ATG4C: variants seen among roughly 807,000 people sequenced by gnomAD.
ATG4C encodes autophagy related 4C cysteine peptidase.
In ATG4C, 56 loss-of-function variants were observed where a neutral mutation model predicts 57.6. The observed-to-expected ratio is 0.97, with a 90% CI of 0.78 to 1.21. ATG4C has a LOEUF of 1.21. ATG4C is among the 50% of genes most tolerant of loss of function. The pLI is 0.00. For missense variants in ATG4C, 595 were observed against 529.8 expected (o/e 1.12, Z -1.21); for synonymous variants, 157 against 174.1 (o/e 0.90, Z 0.78).
At chr1:62,800,325 T>C (rs1184652370) in intron 1 of ATG4C, among the ~76,000 whole-genome samples, 5 of 152,222 alleles carry the variant, frequency 3.3e-5, no homozygotes, top group Admixed American at 3.3e-4. Context: ...AATGTTTTTG[T>C]ATAAGATTTG....
intron 10 of ATG4C, among the ~76,000 whole-genome samples, chr1:62,852,682 A>G (rs547414324): frequency 7.3e-4 from 109 of 150,028 alleles, no homozygotes; most frequent in African/African-American, 2.6e-3. Flanking sequence ...CTTTTTTCCT[A>G]TCCTTTGTAT....
At chr1:62,849,624 G>T (rs1487288483) in intron 10 of ATG4C, among the ~76,000 whole-genome samples, 1 of 151,814 alleles carries the variant, frequency 6.6e-6, no homozygotes, top group South Asian at 2.1e-4. Context: ...TGATTCTCAT[G>T]CCTCAGCCTC....
At chr1:62,836,798 C>T (rs1333913896) in intron 9 of ATG4C, among the ~76,000 whole-genome samples, 1 of 151,976 alleles carries the variant, frequency 6.6e-6, no homozygotes, top group Non-Finnish European at 1.5e-5. Context: ...AAATTGAAAC[C>T]TTAAATCATC....
Position 62,826,861 on chromosome 1 carries a change from C to T in ATG4C, c.797-2179C>T, listed in dbSNP as rs188488272. ...TGCGGTATTTGGTTTTCTGTCCTTG[C>T]AATAGTTTGCTCATAATGGAAAGCC... On this transcript the variant is annotated intron_variant, in intron 6 of 10. Transcript: ENST00000317868. 2.0e-5 allele frequency among the ~76,000 whole-genome samples: 3 copies of T among 151,500 alleles called. No homozygotes were observed. In the Admixed American group the frequency reaches 2.0e-4, roughly 10 times the overall value.
chr1:62,841,678 T>G (rs1445052506), intron 10 of ATG4C, 131 bp downstream of exon 10: 7 of 764,730 alleles, frequency 9.2e-6, no homozygotes, highest in African/African-American at 1.8e-5. Context: ...ATTAGGAGTA[T>G]TGTGAATTGA....
At chr1:62,859,683 C>T (rs548089526) in intron 10 of ATG4C, among the ~76,000 whole-genome samples, 33 of 143,194 alleles carry the variant, frequency 2.3e-4, no homozygotes, top group African/African-American at 8.5e-4. Context: ...AATAAATTAA[C>T]CATATCTTTC....
At chr1:62,813,341 A>G (rs1420418544) in intron 3 of ATG4C, among the ~76,000 whole-genome samples, 1 of 152,170 alleles carries the variant, frequency 6.6e-6, no homozygotes, top group Non-Finnish European at 1.5e-5. Flanking sequence ...CAAAAACAAG[A>G]AATGGGGAAT....
intron 1 of ATG4C, among the ~76,000 whole-genome samples, chr1:62,786,985 A>G (rs1193162274): frequency 1.3e-5 from 2 of 152,016 alleles, no homozygotes; most frequent in African/African-American, 4.8e-5. Context: ...GAACTAGGCG[A>G]TGGATTAGAT....
chr1:62,801,896 T>A (rs1446246027), intron 1 of ATG4C, among the ~76,000 whole-genome samples: 1 of 129,774 alleles, frequency 7.7e-6, no homozygotes, highest in East Asian at 2.2e-4. Flanking sequence ...AGGCGGAGCT[T>A]GCAGTGAGCT....
Position 62,841,442 on chromosome 1 carries a change from T to C in ATG4C, c.1104T>C (p.Pro368=). 1 of 1,606,578 alleles carries C rather than the reference T, an allele frequency of 6.2e-7. No homozygotes were observed. The highest frequency in any genetic ancestry group is 1.1e-5 in the South Asian group (1 of 89,456). Residue 368 remains proline, a synonymous_variant, in exon 10 of 11, where the codon CCT becomes CCC. Transcript: ENST00000317868. ...AAAAATTACAGACATTCCACTGCCC[T>C]TCTCCCAAAAAGATGTCTTTTCGAA... ...KDFPLETFHC[P]SPKKMSFRKM...
At chr1:62,823,685 A>C (rs1431087299) in intron 6 of ATG4C, among the ~76,000 whole-genome samples, 1 of 152,116 alleles carries the variant, frequency 6.6e-6, no homozygotes, top group Non-Finnish European at 1.5e-5. Flanking sequence ...TTCCAGCATC[A>C]CCTTCTAACT....
At chr1:62,798,117 C>T (rs758804217) in intron 1 of ATG4C, among the ~76,000 whole-genome samples, 1 of 152,136 alleles carries the variant, frequency 6.6e-6, no homozygotes, top group African/African-American at 2.4e-5. Context: ...CCCACTGTGC[C>T]CAGCCAGAAA....
chr1:62,820,369 A>G lies in ATG4C; in HGVS notation c.726-770A>G, dbSNP rs1017165818. 3.3e-5 allele frequency among the ~76,000 whole-genome samples: 5 copies of G among 152,040 alleles called. No individual in the cohort carries two copies. The East Asian group carries it at 9.6e-4, about 29-fold the overall frequency. On this transcript the variant is annotated intron_variant, in intron 5 of 10. Transcript: ENST00000317868. ...CTTAAAACTGTCAAAAACCTTTCTT[A>G]GCTTGCAGATGGTACAAAAACAGGA...
At chr1:62,821,751 C>G (rs1665490054) in intron 6 of ATG4C, among the ~76,000 whole-genome samples, 1 of 151,922 alleles carries the variant, frequency 6.6e-6, no homozygotes, top group African/African-American at 2.4e-5. Context: ...ATTTTTTGGA[C>G]CTTTCAATAT....
At chr1:62,816,959 G>A (rs1572124698) in intron 4 of ATG4C, 151 bp downstream of exon 4, 2 of 653,912 alleles carry the variant, frequency 3.1e-6, no homozygotes, top group Non-Finnish European at 5.0e-6. Context: ...CTAATTTGGT[G>A]TATTGCATTT....
At chr1:62,835,365 C>A in intron 9 of ATG4C, 1 of 332,020 alleles carries the variant, frequency 3.0e-6, no homozygotes, top group South Asian at 2.6e-5. Context: ...ATTTCTTAAC[C>A]TCTTCTTTTC....
intron 10 of ATG4C, among the ~76,000 whole-genome samples, chr1:62,852,421 A>T (rs1017997220): frequency 7.9e-5 from 12 of 152,174 alleles, no homozygotes; most frequent in Non-Finnish European, 1.6e-4. Context: ...AAATGACATT[A>T]TTTGGGAACC....
At chr1:62,850,901 T>TATATATAC (rs1553230197) in intron 10 of ATG4C, among the ~76,000 whole-genome samples, 2 of 51,580 alleles carry the variant, frequency 3.9e-5, no homozygotes, top group Admixed American at 1.8e-4. Flanking sequence ...TATATATATA[T>TATATATAC]ACATACACAT....
chr1:62,861,576 AACAC>A (rs57225222), intron 10 of ATG4C, among the ~76,000 whole-genome samples: 4,121 of 133,366 alleles, frequency 0.031, 84 homozygotes, highest in South Asian at 0.055. Flanking sequence ...TGGAAAATAG[AACAC>A]ACACACACAC....
Sources: gnomAD v4.1 joint callset for allele counts (sites outside exome capture counted in the v4.1 genomes callset) on GRCh38, gnomAD v4.1.1 for gene constraint, MANE v1.5 for transcripts, NCBI Gene and HGNC (gene_info 2026-07-23, HGNC 2026-07-21) for gene names.